The following UFM1 variants were observed in gnomAD, a reference collection of about 807,000 sequenced individuals.
UFM1 encodes the protein ubiquitin-fold modifier 1.
Under a neutral mutation model 15.4 loss-of-function variants are expected in UFM1, and 9 were observed. The observed-to-expected ratio is 0.59, with a 90% confidence interval of 0.35 to 1.02. UFM1 has a LOEUF of 1.02. Among genes scored for constraint, UFM1 ranks in the 50% least tolerant of loss-of-function variants. The probability of loss-of-function intolerance (pLI) is 0.02; values close to 1 mark genes in which losing one functional copy is unlikely to be tolerated. For synonymous variants in UFM1, 27 were observed against 36.3 expected, an observed-to-expected ratio of 0.74 and a Z score of 0.92; for missense variants, 98 against 104.7, an observed-to-expected ratio of 0.94 and a Z score of 0.28.
chr13:38,350,001 C>G lies in UFM1; in HGVS notation c.5C>G (p.Ser2Trp), dbSNP rs776417282. The G allele has an allele frequency of 3.7e-6, 6 of 1,614,202 alleles. No homozygotes were observed. The highest frequency in any genetic ancestry group is 5.1e-6 in the Non-Finnish European group (6 of 1,180,038). ...CTCTCTCCCGCTCTTTTCCTCAGGT[C>G]GAAGGTTTCCTTTAAGATCACGCTG... M[S>W]KVSFKITLTS... Residue 2 changes from serine (S) to tryptophan (W), a missense_variant and splice_region_variant, in exon 2 of 6, where the codon TCG becomes TGG. Physicochemically the swap from Ser to Trp is radical, Grantham distance 177. Coordinates refer to ENST00000239878, the MANE Select transcript of UFM1 (RefSeq NM_016617.4).
At position 38,362,371 on chromosome 13, in the gene UFM1, A is replaced by G. The variant is rs1879447604; in HGVS notation, c.*1593A>G. 6.6e-6 allele frequency: 1 copy of G among 152,214 alleles called. No individual in the cohort carries two copies. Among genetic ancestry groups the G allele is most frequent in the South Asian group, 2.1e-4 (1 of 4,828 alleles). The allele number at this position is 152,214 out of a possible 1,614,324, so 9.4% of individuals were successfully genotyped here. A position where few individuals can be genotyped will look rare whatever the true frequency, so the allele number is the denominator to read the frequency against. ...TACCAGATATTCATAAATGTGACAA[A>G]TGAACAGCAGGATTATGAATTATCA... On this transcript the variant is annotated 3_prime_UTR_variant, in exon 6 of 6. Transcript: ENST00000239878.
chr13:38,359,801 G>A (rs1879287545), intron 5 of UFM1: 1 of 165,088 alleles, frequency 6.1e-6, no homozygotes, highest in African/African-American at 2.4e-5. Flanking sequence ...AATTTATACA[G>A]GTGATATATT....
At chr13:38,355,625 C>A (rs1879060977) in intron 3 of UFM1, among the ~76,000 whole-genome samples, 1 of 151,778 alleles carries the variant, frequency 6.6e-6, no homozygotes, top group Admixed American at 6.6e-5. Flanking sequence ...AAACACCACA[C>A]AACCATATAT....
chr13:38,356,316 T>C (rs1822909407), intron 3 of UFM1, among the ~76,000 whole-genome samples: 1 of 151,974 alleles, frequency 6.6e-6, no homozygotes, highest in African/African-American at 2.4e-5. Flanking sequence ...TGTAGTACTC[T>C]AGCTTTGGAA....
At position 38,363,255 on chromosome 13, in the gene UFM1, T is replaced by A. The variant is rs532737683; in HGVS notation, c.*2477T>A. Reference sequence around the variant, plus strand: ...TGTTTGGATACACAAGTACTTACCATCATTTTACAGTTGTTTACAGTATTA... The same window carrying A: ...TGTTTGGATACACAAGTACTTACCAACATTTTACAGTTGTTTACAGTATTA... On this transcript the variant is annotated 3_prime_UTR_variant, in exon 6 of 6. Coordinates refer to ENST00000239878, the MANE Select transcript of UFM1 (RefSeq NM_016617.4). 6.6e-6 allele frequency: 1 copy of A among 152,334 alleles called. No individual in the cohort carries two copies. Among genetic ancestry groups the A allele is most frequent in the African/African-American group, 2.4e-5 (1 of 41,580 alleles). 9.4% of individuals were successfully genotyped at this position (152,334 alleles called of 1,614,324 possible).
In UFM1 at chr13:38,363,284, A is replaced by G. The variant is rs1338811077; in HGVS notation, c.*2506A>G. 6.6e-6 allele frequency: 1 copy of G among 152,214 alleles called. No individual in the cohort carries two copies. The highest frequency in any genetic ancestry group is 1.5e-5 in the Non-Finnish European group (1 of 68,052). The allele number at this position is 152,214 out of a possible 1,614,324, so 9.4% of individuals were successfully genotyped here. Reference sequence around the variant, plus strand: ...TTTACAGTTGTTTACAGTATTAGGTACAGTAACATGCTCTACAGGTTTGTA... The same window carrying G: ...TTTACAGTTGTTTACAGTATTAGGTGCAGTAACATGCTCTACAGGTTTGTA... On this transcript the variant is annotated 3_prime_UTR_variant, in exon 6 of 6. Coordinates refer to ENST00000239878, the MANE Select transcript of UFM1 (RefSeq NM_016617.4).
At chr13:38,352,395 C>T (rs1878901687) in intron 2 of UFM1, among the ~76,000 whole-genome samples, 1 of 152,124 alleles carries the variant, frequency 6.6e-6, no homozygotes, top group Admixed American at 6.5e-5. Flanking sequence ...CCCCTTCTGG[C>T]CAAAGATTTT....
In UFM1 at chr13:38,362,050, A is replaced by G. The variant is rs989343693; in HGVS notation, c.*1272A>G. 2.0e-5 allele frequency: 3 copies of G among 152,208 alleles called. No homozygotes were observed. Among genetic ancestry groups the G allele is most frequent in the African/African-American group, 7.2e-5 (3 of 41,452 alleles). The allele number at this position is 152,208 out of a possible 1,614,324, so 9.4% of individuals were successfully genotyped here. A position where few individuals can be genotyped will look rare whatever the true frequency, so the allele number is the denominator to read the frequency against. ...GCCCTTCCGGAAGAAATCAGTATCT[A>G]TGCAAATCTTGAAAGACGAAATCAA... On this transcript the variant is annotated 3_prime_UTR_variant, in exon 6 of 6. Transcript: ENST00000239878.
intron 4 of UFM1, among the ~76,000 whole-genome samples, chr13:38,358,823 T>C (rs1036428986): frequency 2.6e-5 from 4 of 152,010 alleles, no homozygotes; most frequent in African/African-American, 4.8e-5. Context: ...TTGAAGTGTT[T>C]CTCTGTTGGA....
At chr13:38,352,066 C>G (rs968219791) in intron 2 of UFM1, among the ~76,000 whole-genome samples, 2 of 150,460 alleles carry the variant, frequency 1.3e-5, no homozygotes, top group African/African-American at 4.9e-5. Flanking sequence ...TAATAAAAAT[C>G]TCACCTCTAT....
At position 38,360,940 on chromosome 13, in the gene UFM1, T is replaced by C. The variant is rs1229863103; in HGVS notation, c.*162T>C. 7.4e-6 allele frequency: 4 copies of C among 544,092 alleles called. No individual in the cohort carries two copies. The highest frequency in any genetic ancestry group is 6.2e-5 in the East Asian group (2 of 32,394). The allele number at this position is 544,092 out of a possible 1,614,324, so 33.7% of individuals were successfully genotyped here. On this transcript the variant is annotated 3_prime_UTR_variant, in exon 6 of 6. Coordinates refer to ENST00000239878, the MANE Select transcript of UFM1 (RefSeq NM_016617.4). ...CCCTTTTTGTTGTCCATACTCTTCCTATGAAGAGGGAATGCGTATGAATTA... is the reference window on the plus strand; with the variant it reads ...CCCTTTTTGTTGTCCATACTCTTCCCATGAAGAGGGAATGCGTATGAATTA...
chr13:38,349,879 C>T lies in UFM1; in HGVS notation c.-41C>T, dbSNP rs200114843. The T allele has an allele frequency of 2.1e-4, 337 of 1,614,086 alleles. 2 individuals carry two copies. In the African/African-American group the frequency reaches 3.7e-3, roughly 18 times the overall value. ...ACACTAGAGGAAGTCGTGCTACCCC[C>T]GCGGAGTTGTCGTGTGTTCTGGATT... On this transcript the variant is annotated 5_prime_UTR_variant, in exon 1 of 6. Transcript: ENST00000239878.
intron 5 of UFM1, chr13:38,360,200 G>A (rs1468894161): frequency 5.3e-6 from 1 of 187,544 alleles, no homozygotes; most frequent in African/African-American, 2.4e-5. Context: ...GTAGACAAAG[G>A]TTTCTTTTTT....
chr13:38,357,482 A>G (rs1401503425), intron 3 of UFM1, among the ~76,000 whole-genome samples: 1 of 146,698 alleles, frequency 6.8e-6, no homozygotes, highest in African/African-American at 2.5e-5. Context: ...GGTGTCCTAA[A>G]TACAATCAAA....
Position 38,361,689 on chromosome 13 carries a change from T to G in UFM1, c.*911T>G, listed in dbSNP as rs544370827. On this transcript the variant is annotated 3_prime_UTR_variant, in exon 6 of 6. Transcript: ENST00000239878. Reference sequence around the variant, plus strand: ...GAAAACCCAACTTTTAAGGAAGTGCTAAGATCAGTCACCCATGTGAATAAG... The same window carrying G: ...GAAAACCCAACTTTTAAGGAAGTGCGAAGATCAGTCACCCATGTGAATAAG... 9 of 152,272 alleles carry G rather than the reference T, an allele frequency of 5.9e-5. No individual in the cohort carries two copies. In the East Asian group the frequency reaches 1.7e-3, roughly 29 times the overall value. The allele number at this position is 152,272 out of a possible 1,614,324, so 9.4% of individuals were successfully genotyped here.
Position 38,360,886 on chromosome 13 carries a change from C to A in UFM1, c.*108C>A. On this transcript the variant is annotated 3_prime_UTR_variant, in exon 6 of 6. Transcript: ENST00000239878. Reference sequence around the variant, plus strand: ...AACATACTATGAAAACACCAGGAGTCAATGATTAATGAAAGGTGACTCATC... The same window carrying A: ...AACATACTATGAAAACACCAGGAGTAAATGATTAATGAAAGGTGACTCATC... 1.2e-6 allele frequency: 1 copy of A among 860,956 alleles called. No homozygotes were observed. The highest frequency in any genetic ancestry group is 1.7e-5 in the African/African-American group (1 of 59,100). The allele number at this position is 860,956 out of a possible 1,614,324, so 53.3% of individuals were successfully genotyped here.
chr13:38,350,205 CCCA>C lies in UFM1; in HGVS notation c.59+153_59+155del. Reference sequence around the variant, plus strand: ...GGCTCGCGCCCTTCCAGGAGCCTTTCCCACCGGAGCCTGCGAGGAGAGGTCCGT... The same window carrying C: ...GGCTCGCGCCCTTCCAGGAGCCTTTCCCGGAGCCTGCGAGGAGAGGTCCGT... On this transcript the variant is annotated intron_variant, in intron 2 of 5. Transcript: ENST00000239878. 3 of 1,612,380 alleles carry C rather than the reference CCCA, an allele frequency of 1.9e-6. No individual in the cohort carries two copies. In the South Asian group the frequency reaches 3.3e-5, roughly 18 times the overall value.
chr13:38,355,772 A>G (rs1271040868), intron 3 of UFM1, among the ~76,000 whole-genome samples: 1 of 151,932 alleles, frequency 6.6e-6, no homozygotes, highest in Non-Finnish European at 1.5e-5. Flanking sequence ...CATAGGTGTT[A>G]CATATTTAGA....
In UFM1 at chr13:38,349,895, G is replaced by T. The variant is rs1345249214; in HGVS notation, c.-25G>T. ...TGCTACCCCCGCGGAGTTGTCGTGT[G>T]TTCTGGATTCATTCCGGCACCACCA... On this transcript the variant is annotated 5_prime_UTR_variant, in exon 1 of 6. Transcript: ENST00000239878. The T allele has an allele frequency of 6.2e-7, 1 of 1,614,018 alleles. No homozygotes were observed. Among genetic ancestry groups the T allele is most frequent in the African/African-American group, 1.3e-5 (1 of 74,908 alleles).
Sources: allele counts gnomAD v4.1 joint callset (sites outside exome capture counted in the v4.1 genomes callset), GRCh38; gene constraint gnomAD v4.1.1; transcripts MANE v1.5; gene names NCBI Gene and HGNC (gene_info 2026-07-23, HGNC 2026-07-21).